Variants in LIMD1 observed in about 807,000 individuals in gnomAD.
LIMD1 encodes LIM domain-containing protein 1.
LIMD1 carries 23 observed loss-of-function variants against 58.4 expected under a neutral mutation model. That is an observed-to-expected ratio of 0.39 (90% CI 0.28 to 0.56). The LOEUF is 0.56. Ranked by LOEUF, LIMD1 falls within the 20% of genes least tolerant of loss-of-function variation. The pLI, the probability that LIMD1 is intolerant of heterozygous loss-of-function variation, is 0.57. For missense variants in LIMD1, 838 were observed against 855.5 expected, an observed-to-expected ratio of 0.98 and a Z score of 0.25; for synonymous variants, 334 against 345.5, an observed-to-expected ratio of 0.97 and a Z score of 0.37.
intron 6 of LIMD1, among the ~76,000 whole-genome samples, chr3:45,674,076 A>G (rs1412417786): frequency 6.6e-6 from 1 of 152,128 alleles, no homozygotes; most frequent in East Asian, 1.9e-4. Context: ...TCTTTTCTTC[A>G]TTTTTTAAAA....
intron 1 of LIMD1, among the ~76,000 whole-genome samples, chr3:45,614,897 T>G (rs1173849685): frequency 6.6e-6 from 1 of 151,680 alleles, no homozygotes; most frequent in African/African-American, 2.4e-5. Flanking sequence ...TAGGATAGAC[T>G]TTTTTTTCTT....
At position 45,672,828 on chromosome 3, in the gene LIMD1, G is replaced by C; in HGVS notation, c.1772+8G>C. 1 of 1,613,428 alleles carries C rather than the reference G, an allele frequency of 6.2e-7. No individual in the cohort carries two copies. The highest frequency in any genetic ancestry group is 1.1e-5 in the South Asian group (1 of 91,050). ...TGTCCGAGATTACCACAAGTAAGAA[G>C]GGATGGGAGCAGACAGGACCCATTC... On this transcript the variant is annotated splice_region_variant and intron_variant, in intron 5 of 7. Coordinates refer to ENST00000273317, the MANE Select transcript of LIMD1 (RefSeq NM_014240.3).
intron 2 of LIMD1, among the ~76,000 whole-genome samples, chr3:45,663,726 T>A (rs1419888697): frequency 4.7e-5 from 7 of 149,606 alleles, no homozygotes. Context: ...CTAATACTAT[T>A]TTAATTTATT....
chr3:45,647,558 G>A (rs539022984), intron 2 of LIMD1, among the ~76,000 whole-genome samples: 1 of 152,292 alleles, frequency 6.6e-6, no homozygotes, highest in African/African-American at 2.4e-5. Context: ...GCCCTGCAAT[G>A]GTCACCATTG....
At chr3:45,655,562 T>C (rs764952185) in intron 2 of LIMD1, among the ~76,000 whole-genome samples, 1 of 152,132 alleles carries the variant, frequency 6.6e-6, no homozygotes, top group Non-Finnish European at 1.5e-5. Context: ...GTTCTCAAAG[T>C]GTGGTCCCTG....
At chr3:45,630,726 G>T (rs960194839) in intron 1 of LIMD1, among the ~76,000 whole-genome samples, 1 of 151,758 alleles carries the variant, frequency 6.6e-6, no homozygotes, top group South Asian at 2.1e-4. Context: ...GGGGTTGGGG[G>T]GCATGTGTGG....
chr3:45,596,882 G>A (rs1701361731), intron 1 of LIMD1, among the ~76,000 whole-genome samples: 1 of 132,826 alleles, frequency 7.5e-6, no homozygotes, highest in African/African-American at 3.2e-5. Context: ...TTTTTTTTGA[G>A]ATGGAGTCTC....
At chr3:45,635,908 C>T in intron 1 of LIMD1, 1 of 985,198 alleles carries the variant, frequency 1.0e-6, no homozygotes, top group Non-Finnish European at 1.2e-6. Context: ...GAATTCTGGA[C>T]ATTAGCATAA....
chr3:45,632,910 T>G (rs902620814), intron 1 of LIMD1, among the ~76,000 whole-genome samples: 2 of 152,176 alleles, frequency 1.3e-5, no homozygotes, highest in African/African-American at 4.8e-5. Context: ...AAAGGAGCCT[T>G]AAAGATGAGT....
At chr3:45,640,167 G>T (rs1701827384) in intron 2 of LIMD1, among the ~76,000 whole-genome samples, 1 of 152,236 alleles carries the variant, frequency 6.6e-6, no homozygotes, top group Non-Finnish European at 1.5e-5. Flanking sequence ...AGCATTGAAG[G>T]CCTTTGTGGT....
intron 1 of LIMD1, among the ~76,000 whole-genome samples, chr3:45,624,290 A>C (rs1452423133): frequency 6.6e-6 from 1 of 152,114 alleles, no homozygotes; most frequent in Non-Finnish European, 1.5e-5. Flanking sequence ...TGGTGGGGGC[A>C]CTGCTCTGGG....
At chr3:45,600,648 C>T (rs543178431) in intron 1 of LIMD1, among the ~76,000 whole-genome samples, 1 of 152,282 alleles carries the variant, frequency 6.6e-6, no homozygotes, top group South Asian at 2.1e-4. Flanking sequence ...GTTTTAGCAC[C>T]ACTGCTGACA....
intron 2 of LIMD1, among the ~76,000 whole-genome samples, chr3:45,646,496 G>T (rs1360657217): frequency 6.6e-6 from 1 of 152,206 alleles, no homozygotes; most frequent in African/African-American, 2.4e-5. Context: ...CTGACCTGTA[G>T]ACCTGCACCA....
At chr3:45,661,800 C>T (rs1697444435) in intron 2 of LIMD1, among the ~76,000 whole-genome samples, 1 of 152,146 alleles carries the variant, frequency 6.6e-6, no homozygotes, top group African/African-American at 2.4e-5. Context: ...ACTCTATTGC[C>T]CAGGCTGGCG....
chr3:45,655,406 T>C (rs1035275433), intron 2 of LIMD1, among the ~76,000 whole-genome samples: 1 of 152,184 alleles, frequency 6.6e-6, no homozygotes, highest in African/African-American at 2.4e-5. Flanking sequence ...ATTATAAAGA[T>C]GTAACACTGA....
Position 45,677,100 on chromosome 3 carries a change from C to T in LIMD1, c.*41C>T, listed in dbSNP as rs758471445. On this transcript the variant is annotated 3_prime_UTR_variant, in exon 8 of 8. Coordinates refer to ENST00000273317, the MANE Select transcript of LIMD1 (RefSeq NM_014240.3). ...GACATCACGGCAGGGGATGAGGAGC[C>T]GGGGTTGCTGCTGCTGCTTCCGGTG... 33 of 1,598,138 alleles carry T rather than the reference C, an allele frequency of 2.1e-5. No individual in the cohort carries two copies. The highest frequency in any genetic ancestry group is 4.4e-5 in the South Asian group (4 of 90,570).
At chr3:45,612,070 G>GCTCTCTCT (rs112847908) in intron 1 of LIMD1, among the ~76,000 whole-genome samples, 181 of 144,928 alleles carry the variant, frequency 1.2e-3, no homozygotes, top group African/African-American at 4.1e-3. Flanking sequence ...GCAGGTGCGC[G>GCTCTCTCT]CTCTCTCTCT....
chr3:45,662,276 A>AGTGTGT (rs139596165), intron 2 of LIMD1, among the ~76,000 whole-genome samples: 1,740 of 111,568 alleles, frequency 0.016, 18 homozygotes, highest in East Asian at 0.039. Flanking sequence ...GTTTCACCTA[A>AGTGTGT]GTGTGTGTGT....
Position 45,595,842 on chromosome 3 carries a change from GGTTTCAGGTGTGATGTCCAA to G in LIMD1, c.964_983del (p.Val322ThrfsTer70). On this transcript the variant is annotated frameshift_variant, in exon 1 of 8. Transcript: ENST00000273317. LOFTEE classifies it high-confidence loss of function. ...GATCAAACTCGGGGCTGGGGGGTGA[GGTTTCAGGTGTGATGTCCAA>G]ACCCAATGTGGACCCCCAACCCTGG... The G allele has an allele frequency of 6.2e-7, 1 of 1,614,214 alleles. No homozygotes were observed. Among genetic ancestry groups the G allele is most frequent in the Non-Finnish European group, 8.5e-7 (1 of 1,180,036 alleles).
Sources: gnomAD v4.1 joint callset for allele counts (sites outside exome capture counted in the v4.1 genomes callset) on GRCh38, gnomAD v4.1.1 for gene constraint, MANE v1.5 for transcripts, NCBI Gene and HGNC (gene_info 2026-07-23, HGNC 2026-07-21) for gene names.